Variants in RAB28 observed in about 807,000 individuals in gnomAD.
RAB28 encodes the protein RAB28, member RAS oncogene family.
Under a neutral mutation model 31.7 loss-of-function variants are expected in RAB28, and 24 were observed. The ratio of observed to expected loss-of-function variants is 0.76; its 90% CI spans 0.55 to 1.06. RAB28 has a LOEUF of 1.06. Ranked by LOEUF, RAB28 falls within the 50% of genes least tolerant of loss-of-function variation. The pLI is 0.00. For synonymous variants in RAB28, 100 were observed against 90.4 expected (o/e 1.11, Z -0.60); for missense variants, 254 against 258.5 (o/e 0.98, Z 0.12).
intron 5 of RAB28, among the ~76,000 whole-genome samples, chr4:13,379,941 T>A (rs916913082): frequency 6.6e-6 from 1 of 152,112 alleles, no homozygotes; most frequent in African/African-American, 2.4e-5. Context: ...TGAAGTTTTT[T>A]AATAGTGGTT....
At chr4:13,446,404 G>A (rs1021527138) in intron 4 of RAB28, among the ~76,000 whole-genome samples, 2 of 152,152 alleles carry the variant, frequency 1.3e-5, no homozygotes, top group Non-Finnish European at 2.9e-5. Flanking sequence ...GGAGTTCCAG[G>A]TGCCACAGGA....
intron 4 of RAB28, among the ~76,000 whole-genome samples, chr4:13,393,689 T>G (rs1344123700): frequency 6.6e-6 from 1 of 150,478 alleles, no homozygotes; most frequent in East Asian, 1.9e-4. Context: ...TTACCCATCT[T>G]GTATGCATAA....
At position 13,422,476 on chromosome 4, in the gene RAB28, T is replaced by C. The variant is rs1028908183; in HGVS notation, c.391+38223A>G. Among the ~76,000 whole-genome samples the C allele has an allele frequency of 4.6e-5, 7 of 152,274 alleles. No homozygotes were observed. The Middle Eastern group carries it at 0.01, about 222-fold the overall frequency. On this transcript the variant is annotated intron_variant, in intron 4 of 6. Transcript: ENST00000330852. ...ATGTTTATTGCGGCACTATTCACAATAGCAAAGACTTGGAACCAACCCAAA... is the reference window on the plus strand; with the variant it reads ...ATGTTTATTGCGGCACTATTCACAACAGCAAAGACTTGGAACCAACCCAAA...
At chr4:13,458,606 AC>A (rs1306148517) in intron 4 of RAB28, among the ~76,000 whole-genome samples, 2 of 152,190 alleles carry the variant, frequency 1.3e-5, no homozygotes, top group African/African-American at 4.8e-5. Context: ...ATAATATTTC[AC>A]ATACATTCAT....
At position 13,370,602 on chromosome 4, in the gene RAB28, T is replaced by A. The variant is rs1728679834; in HGVS notation, c.574-1952A>T. On this transcript the variant is annotated intron_variant, in intron 6 of 6. Transcript: ENST00000330852. ...TTATCTTTGAAGGTGGGGAGAGGAA[T>A]GAAGACATCAGAGGAAGGCATATGC... 3 of 980,236 alleles carry A rather than the reference T, an allele frequency of 3.1e-6. No individual in the cohort carries two copies. In the South Asian group the frequency reaches 1.4e-4, roughly 46 times the overall value. 60.7% of individuals were successfully genotyped at this position (980,236 alleles called of 1,614,324 possible). A position where few individuals can be genotyped will look rare whatever the true frequency, so the allele number is the denominator to read the frequency against.
chr4:13,446,831 C>T (rs1714723025), intron 4 of RAB28, among the ~76,000 whole-genome samples: 1 of 152,146 alleles, frequency 6.6e-6, no homozygotes, highest in South Asian at 2.1e-4. Flanking sequence ...ACATCTTACC[C>T]TGGAATTACA....
chr4:13,399,358 C>T (rs1577174664), intron 4 of RAB28, among the ~76,000 whole-genome samples: 1 of 152,314 alleles, frequency 6.6e-6, no homozygotes, highest in East Asian at 1.9e-4. Context: ...AATTGATGAA[C>T]ACAAGTTGTT....
At chr4:13,424,347 T>C (rs376626947) in intron 4 of RAB28, among the ~76,000 whole-genome samples, 2 of 152,204 alleles carry the variant, frequency 1.3e-5, no homozygotes, top group Admixed American at 6.5e-5. Context: ...CCCACAAACT[T>C]TGGCATTCCT....
chr4:13,403,887 T>A (rs1157107566), intron 4 of RAB28, among the ~76,000 whole-genome samples: 1 of 152,212 alleles, frequency 6.6e-6, no homozygotes, highest in Non-Finnish European at 1.5e-5. Flanking sequence ...AAAATGCATT[T>A]AGCCAAATTA....
intron 4 of RAB28, among the ~76,000 whole-genome samples, chr4:13,428,192 G>A (rs1713616192): frequency 6.6e-6 from 1 of 152,216 alleles, no homozygotes; most frequent in Admixed American, 6.5e-5. Context: ...CCGCCGGGCT[G>A]TCTGCCTGTG....
chr4:13,473,292 C>G (rs892638130), intron 3 of RAB28, among the ~76,000 whole-genome samples: 3 of 151,676 alleles, frequency 2.0e-5, no homozygotes, highest in African/African-American at 7.3e-5. Flanking sequence ...CTTAAAATAC[C>G]AAACTCCAAT....
chr4:13,443,415 G>A (rs1282781340), intron 4 of RAB28, among the ~76,000 whole-genome samples: 1 of 152,088 alleles, frequency 6.6e-6, no homozygotes, highest in Admixed American at 6.5e-5. Flanking sequence ...CTCATGATCC[G>A]CCTGCCTCAG....
At chr4:13,427,281 G>A (rs952572692) in intron 4 of RAB28, among the ~76,000 whole-genome samples, 2 of 152,138 alleles carry the variant, frequency 1.3e-5, no homozygotes, top group African/African-American at 4.8e-5. Context: ...TTCCAGCTTT[G>A]ACACAATAAC....
chr4:13,469,697 A>AAG (rs1560145085), intron 3 of RAB28, among the ~76,000 whole-genome samples: 3 of 151,948 alleles, frequency 2.0e-5, no homozygotes, highest in Non-Finnish European at 4.4e-5. Context: ...AATAATCGAC[A>AAG]GCAATTTTCT....
chr4:13,412,064 C>G (rs1239259875), intron 4 of RAB28, among the ~76,000 whole-genome samples: 2 of 151,442 alleles, frequency 1.3e-5, no homozygotes, highest in African/African-American at 4.8e-5. Flanking sequence ...TTTGCTGAAC[C>G]TATGAAACAT....
chr4:13,381,362 A>C (rs1341610184), intron 5 of RAB28, 129 bp downstream of exon 5: 5 of 615,626 alleles, frequency 8.1e-6, no homozygotes, highest in Non-Finnish European at 1.4e-5. Flanking sequence ...TGTTATATCT[A>C]ATCTAAGGAA....
intron 4 of RAB28, among the ~76,000 whole-genome samples, chr4:13,382,995 T>C (rs1223973789): frequency 1.3e-5 from 2 of 151,758 alleles, no homozygotes; most frequent in African/African-American, 4.9e-5. Flanking sequence ...CCACAGCACC[T>C]GGTCTTTTTG....
At chr4:13,429,114 T>G (rs1224095458) in intron 4 of RAB28, among the ~76,000 whole-genome samples, 1 of 151,988 alleles carries the variant, frequency 6.6e-6, no homozygotes, top group Non-Finnish European at 1.5e-5. Context: ...CTAGCTAATT[T>G]TTTTTATTTT....
intron 4 of RAB28, among the ~76,000 whole-genome samples, chr4:13,421,539 T>C (rs74620371): frequency 1.3e-5 from 2 of 152,164 alleles, no homozygotes; most frequent in African/African-American, 4.8e-5. Context: ...AACAACATGG[T>C]ACTGTACCAA....
Sources: allele counts gnomAD v4.1 joint callset (sites outside exome capture counted in the v4.1 genomes callset), GRCh38; gene constraint gnomAD v4.1.1; transcripts MANE v1.5; gene names NCBI Gene and HGNC (gene_info 2026-07-23, HGNC 2026-07-21).